PDZRN3: variants seen among roughly 807,000 people sequenced by gnomAD.
PDZRN3 encodes the protein PDZ domain containing ring finger 3, also known as E3 ubiquitin-protein ligase PDZRN3.
A neutral mutation model predicts 85.7 loss-of-function variants in PDZRN3; 38 were observed. The ratio of observed to expected loss-of-function variants is 0.44; its 90% CI spans 0.34 to 0.58. The LOEUF (loss-of-function observed/expected upper bound fraction) is 0.58, where lower values mean the gene tolerates loss of function less well. Ranked by LOEUF, PDZRN3 falls within the 20% of genes least tolerant of loss-of-function variation. The pLI, the probability that PDZRN3 is intolerant of heterozygous loss-of-function variation, is 0.01. For missense variants in PDZRN3, 1,629 were observed against 1,506.4 expected (o/e 1.08, Z -1.35); for synonymous variants, 759 against 638.0 (o/e 1.19, Z -2.86).
In PDZRN3 at chr3:73,384,562, G is replaced by A. The variant is rs921006712; in HGVS notation, c.2004C>T (p.Ser668=). ...CACTCTTGCCGGCGTCCAGGGGGCC[G>A]CTAGGGTAGTACAGGCCGTAAGGGG... The part of the protein sequence containing the change: ...SATPYGLYYP[S]GPLDAGKSDP... Residue 668 remains serine, a synonymous_variant, in exon 10 of 10, where the codon AGC becomes AGT. Coordinates refer to ENST00000263666, the MANE Select transcript of PDZRN3 (RefSeq NM_015009.3). 6.2e-6 allele frequency: 10 copies of A among 1,613,684 alleles called. No homozygotes were observed. The South Asian group carries it at 9.9e-5, about 16-fold the overall frequency.
At chr3:73,603,886 T>TAC (rs370554640) in intron 2 of PDZRN3, among the ~76,000 whole-genome samples, 92,132 of 144,894 alleles carry the variant, frequency 0.64, 32,782 homozygotes, top group South Asian at 0.79. Context: ...CACACACACA[T>TAC]ACACACACAC....
chr3:73,498,588 CT>C (rs1186666541), intron 3 of PDZRN3, among the ~76,000 whole-genome samples: 248 of 143,808 alleles, frequency 1.7e-3, no homozygotes, highest in African/African-American at 2.5e-3. Flanking sequence ...TGATTCATAA[CT>C]TTTTTTTTTT....
At chr3:73,443,015 G>A (rs1387054778) in intron 3 of PDZRN3, among the ~76,000 whole-genome samples, 1 of 152,172 alleles carries the variant, frequency 6.6e-6, no homozygotes, top group South Asian at 2.1e-4. Context: ...GGGAGGCTGT[G>A]TCTCCTATGA....
At chr3:73,482,323 A>T (rs1381936172) in intron 3 of PDZRN3, among the ~76,000 whole-genome samples, 1 of 152,218 alleles carries the variant, frequency 6.6e-6, no homozygotes, top group Non-Finnish European at 1.5e-5. Flanking sequence ...ATTATGATAT[A>T]AACCCTGGGC....
chr3:73,585,244 T>C (rs902103818), intron 3 of PDZRN3, among the ~76,000 whole-genome samples: 1 of 152,194 alleles, frequency 6.6e-6, no homozygotes, highest in Non-Finnish European at 1.5e-5. Flanking sequence ...ATCAGAAATG[T>C]CTATTAGGAA....
intron 3 of PDZRN3, among the ~76,000 whole-genome samples, chr3:73,444,031 C>T (rs1702699578): frequency 1.3e-5 from 2 of 152,296 alleles, no homozygotes; most frequent in African/African-American, 4.8e-5. Flanking sequence ...TTCAGCCTCA[C>T]TGTGACCTTT....
rs1701415731 is a variant in PDZRN3 at position 73,387,237 on chromosome 3, C to CTA, written c.1518+729_1518+730dup. On this transcript the variant is annotated intron_variant, in intron 8 of 9. Coordinates refer to ENST00000263666, the MANE Select transcript of PDZRN3 (RefSeq NM_015009.3). The stretch of plus-strand genomic sequence containing the variant: ...TCTTTATCAGCAGCATGAAAACGGA[C>CTA]TAATACACATACCTAAAGAGATCTA... Among the ~76,000 whole-genome samples, 3 of 152,150 alleles carry CTA rather than the reference C, an allele frequency of 2.0e-5. No homozygotes were observed. In the South Asian group the frequency reaches 6.2e-4, roughly 32 times the overall value.
intron 3 of PDZRN3, among the ~76,000 whole-genome samples, chr3:73,554,410 C>G (rs766179061): frequency 2.0e-5 from 3 of 151,970 alleles, no homozygotes; most frequent in Admixed American, 6.6e-5. Flanking sequence ...CAAGGCCAGA[C>G]ACAGATAAGT....
chr3:73,474,864 T>A (rs1414105893), intron 3 of PDZRN3, among the ~76,000 whole-genome samples: 2 of 152,074 alleles, frequency 1.3e-5, no homozygotes, highest in Non-Finnish European at 2.9e-5. Context: ...CCTTCAGCCC[T>A]GGGGTGGCTA....
intron 3 of PDZRN3, among the ~76,000 whole-genome samples, chr3:73,577,409 G>C (rs557081339): frequency 2.3e-4 from 35 of 152,224 alleles, no homozygotes; most frequent in Middle Eastern, 3.4e-3. Context: ...TTGGTACCTG[G>C]GGAATCCATG....
chr3:73,468,096 T>C (rs903482111), intron 3 of PDZRN3, among the ~76,000 whole-genome samples: 2 of 152,114 alleles, frequency 1.3e-5, no homozygotes, highest in Admixed American at 6.5e-5. Context: ...AAATTTTATG[T>C]TATGTATATT....
In PDZRN3 at chr3:73,401,002, A is replaced by G; in HGVS notation, c.1174T>C (p.Ser392Pro). Reference protein sequence around the residue: ...DPYLLPEEHPSAHEYYDPNDY... With the variant: ...DPYLLPEEHPPAHEYYDPNDY... ...TTTGGATCGTAGTATTCATGGGCTG[A>G]GGGATGCCTGAAAAGAGATGCAACA... The change falls in exon 5 of 10, where the codon TCA becomes CCA. Residue 392 changes from serine to proline, a missense_variant. Physicochemically the swap from Ser to Pro is moderately conservative, Grantham distance 74. Coordinates refer to ENST00000263666, the MANE Select transcript of PDZRN3 (RefSeq NM_015009.3). The G allele has an allele frequency of 6.2e-7, 1 of 1,611,224 alleles. No homozygotes were observed. Among genetic ancestry groups the G allele is most frequent in the Non-Finnish European group, 8.5e-7 (1 of 1,177,326 alleles).
At chr3:73,451,281 T>C (rs992737049) in intron 3 of PDZRN3, among the ~76,000 whole-genome samples, 4 of 152,186 alleles carry the variant, frequency 2.6e-5, no homozygotes, top group Non-Finnish European at 5.9e-5. Flanking sequence ...CTCTCAAATT[T>C]TTACTGCTAA....
chr3:73,602,883 G>A (rs1021169071), intron 2 of PDZRN3, among the ~76,000 whole-genome samples: 3 of 152,100 alleles, frequency 2.0e-5, no homozygotes, highest in African/African-American at 4.8e-5. Context: ...CTACCAATTC[G>A]TGTCTGCCTT....
At chr3:73,433,537 T>C (rs1027239003) in intron 3 of PDZRN3, 8 of 722,258 alleles carry the variant, frequency 1.1e-5, no homozygotes, top group African/African-American at 1.8e-5. Flanking sequence ...ACACAAAATA[T>C]GCACAAAAAC....
intron 3 of PDZRN3, among the ~76,000 whole-genome samples, chr3:73,590,099 T>C (rs1357773105): frequency 6.6e-6 from 1 of 151,646 alleles, no homozygotes; most frequent in African/African-American, 2.4e-5. Context: ...CGACACCCCA[T>C]CTCTACCAAA....
At chr3:73,443,488 T>TTTTC (rs1009559513) in intron 3 of PDZRN3, among the ~76,000 whole-genome samples, 6 of 139,288 alleles carry the variant, frequency 4.3e-5, no homozygotes, top group African/African-American at 1.9e-4. Flanking sequence ...TCTTTTTTTT[T>TTTTC]TTTTTTTTTT....
At chr3:73,563,120 G>A (rs1421733071) in intron 3 of PDZRN3, among the ~76,000 whole-genome samples, 17 of 144,718 alleles carry the variant, frequency 1.2e-4, no homozygotes, top group African/African-American at 3.1e-4. Context: ...CCAGGTTCAC[G>A]CCATTCTCCT....
At chr3:73,406,320 C>A (rs185991882) in intron 3 of PDZRN3, among the ~76,000 whole-genome samples, 1 of 152,300 alleles carries the variant, frequency 6.6e-6, no homozygotes, top group East Asian at 1.9e-4. Context: ...CCTGCTTAGA[C>A]CCTAGAATGC....
Sources: gnomAD v4.1 joint callset for allele counts (sites outside exome capture counted in the v4.1 genomes callset) on GRCh38, gnomAD v4.1.1 for gene constraint, MANE v1.5 for transcripts, NCBI Gene and HGNC (gene_info 2026-07-23, HGNC 2026-07-21) for gene names.